The following INSL6 variants were observed in gnomAD, a reference collection of about 807,000 sequenced individuals.
INSL6 encodes the protein insulin like 6.
A neutral mutation model predicts 9.4 loss-of-function variants in INSL6; 16 were observed. That is an observed-to-expected ratio of 1.70 (90% CI 1.15 to 2.59). The LOEUF is 2.59. INSL6 is among the 30% of genes most tolerant of loss of function. The probability of loss-of-function intolerance (pLI) is 0.00; values close to 1 mark genes in which losing one functional copy is unlikely to be tolerated. For missense variants in INSL6, 391 were observed against 257.3 expected (o/e 1.52, Z -3.56); for synonymous variants, 154 against 96.9 (o/e 1.59, Z -3.46).
chr9:5,075,880 A>G, the INSL6 span, among the ~76,000 whole-genome samples: 1 of 152,232 alleles, frequency 6.6e-6, no homozygotes, highest in Non-Finnish European at 1.5e-5. Flanking sequence ...AGGATTCACC[A>G]TTCTAGATGC....
intron 2 of INSL6, among the ~76,000 whole-genome samples, chr9:5,150,706 A>T (rs971508022): frequency 1.3e-5 from 2 of 152,086 alleles, no homozygotes; most frequent in Non-Finnish European, 2.9e-5. Context: ...AATCCAGCAA[A>T]CTCACTACTG....
rs755970119 is a variant in INSL6, at chr9:5,164,052, T to C, written c.503A>G (p.Gln168Arg). The C allele has an allele frequency of 2.5e-6, 4 of 1,613,830 alleles. No homozygotes were observed. The East Asian group carries it at 6.7e-5, about 27-fold the overall frequency. The change falls in exon 2 of 2, where the codon CAA becomes CGA. Residue 168 changes from glutamine to arginine, a missense_variant. Transcript: ENST00000381641. ...LSNLFWGHHP[Q>R]RKRRGYSEKC... ...TTCTGAATATCCTCTGCGTTTTCTTTGGGGATGATGCCCCCAAAACAAATT... is the reference window on the plus strand; with the variant it reads ...TTCTGAATATCCTCTGCGTTTTCTTCGGGGATGATGCCCCCAAAACAAATT...
chr9:5,166,582 C>G (rs1030187092), intron 1 of INSL6, among the ~76,000 whole-genome samples: 2 of 151,862 alleles, frequency 1.3e-5, no homozygotes, highest in African/African-American at 4.8e-5. Context: ...GGATGAATTC[C>G]TAGAAAAATA....
chr9:5,159,088 T>A (rs1416977952), downstream of INSL6, among the ~76,000 whole-genome samples: 2 of 152,120 alleles, frequency 1.3e-5, no homozygotes, highest in African/African-American at 4.8e-5. Context: ...TAATGGATTA[T>A]AAGATATTAT....
chr9:5,155,337 AG>A (rs907393481), intron 2 of INSL6, among the ~76,000 whole-genome samples: 7 of 93,584 alleles, frequency 7.5e-5, no homozygotes, highest in Non-Finnish European at 1.5e-4. Context: ...GGGTTGGGGG[AG>A]GGGGGAGGGA....
the INSL6 span, among the ~76,000 whole-genome samples, chr9:5,103,788 G>A: frequency 6.6e-6 from 1 of 152,252 alleles, no homozygotes; most frequent in East Asian, 1.9e-4. Context: ...CAACTTCATG[G>A]AAATTGAACA....
At chr9:5,033,482 G>A in the INSL6 span, among the ~76,000 whole-genome samples, 1 of 152,174 alleles carries the variant, frequency 6.6e-6, no homozygotes. Flanking sequence ...GTTAAGGGCA[G>A]CCAGAGAGAA....
At chr9:5,137,897 A>G (rs527279111) in intron 2 of INSL6, among the ~76,000 whole-genome samples, 1 of 152,256 alleles carries the variant, frequency 6.6e-6, no homozygotes, top group East Asian at 1.9e-4. Context: ...TACAAGAAAA[A>G]AAACCCATAA....
At chr9:5,065,237 A>G in the INSL6 span, among the ~76,000 whole-genome samples, 1 of 152,232 alleles carries the variant, frequency 6.6e-6, no homozygotes, top group Non-Finnish European at 1.5e-5. Flanking sequence ...ATCCCAATCT[A>G]TAATATTTAT....
At position 5,185,294 on chromosome 9, in the gene INSL6, C is replaced by T. The variant is rs767849018; in HGVS notation, c.289+20G>A. ...AAATATACAGAGGTGAACAAACATG[C>T]CTTCGGTTTCGATTTTTACCTGGGT... is the stretch of plus-strand genomic sequence containing the variant. On this transcript the variant is annotated intron_variant, in intron 1 of 1. Transcript: ENST00000381641. The T allele has an allele frequency of 5.0e-6, 8 of 1,614,006 alleles. No individual in the cohort carries two copies. Among genetic ancestry groups the T allele is most frequent in the Non-Finnish European group, 6.8e-6 (8 of 1,179,986 alleles).
At chr9:5,054,064 G>A in the INSL6 span, among the ~76,000 whole-genome samples, 1 of 152,046 alleles carries the variant, frequency 6.6e-6, no homozygotes, top group Non-Finnish European at 1.5e-5. The surrounding 1 kb of genome is among the most constrained non-coding windows in gnomAD (Gnocchi z 4.9). Flanking sequence ...ATTATTAGGA[G>A]TTGAAGCTGG....
chr9:5,106,232 G>A, the INSL6 span, among the ~76,000 whole-genome samples: 3,916 of 152,240 alleles, frequency 0.026, 184 homozygotes, highest in African/African-American at 0.09. Flanking sequence ...CAAAAAGTGG[G>A]CAAAGGATAT....
chr9:5,156,294 C>T (rs575851279), intron 2 of INSL6, among the ~76,000 whole-genome samples: 2 of 152,304 alleles, frequency 1.3e-5, no homozygotes, highest in East Asian at 1.9e-4. Flanking sequence ...TAAACAGATT[C>T]TTTATGAAAA....
the INSL6 span, among the ~76,000 whole-genome samples, chr9:5,012,982 G>GA: frequency 2.6e-3 from 397 of 151,702 alleles, 5 homozygotes; most frequent in African/African-American, 9.0e-3. Context: ...GGTAGTTGTG[G>GA]AAAAAAAAGC....
Position 5,148,736 on chromosome 9 carries a change from C to G in INSL6, c.377-15144G>C, listed in dbSNP as rs560206531. ...AGACTGCAGCCCTGGGGCACCAGGA[C>G]CTGCTCGTGGCTCCCTTTTCCAGAC... On this transcript the variant is annotated intron_variant, in intron 2 of 3. Coordinates refer to the INSL6 transcript ENST00000649639. 5.3e-5 allele frequency among the ~76,000 whole-genome samples: 8 copies of G among 152,292 alleles called. 1 individual carries two copies. In the South Asian group the frequency reaches 1.5e-3, roughly 28 times the overall value.
At chr9:5,112,426 C>A in the INSL6 span, 2 of 501,638 alleles carry the variant, frequency 4.0e-6, no homozygotes, top group African/African-American at 2.0e-5. Context: ...ACGTCGGCGG[C>A]TGACCACTCA....
chr9:5,044,547 A>G, the INSL6 span: 7 of 1,273,516 alleles, frequency 5.5e-6, no homozygotes, highest in South Asian at 6.6e-5. Flanking sequence ...TTACTTGTAC[A>G]TGAGTTAAAT....
chr9:5,022,699 A>C, the INSL6 span, among the ~76,000 whole-genome samples: 1 of 151,980 alleles, frequency 6.6e-6, no homozygotes, highest in African/African-American at 2.4e-5. Context: ...AATCATTTTT[A>C]CTCTTGAGAC....
At chr9:5,032,335 A>G in the INSL6 span, among the ~76,000 whole-genome samples, 2 of 152,248 alleles carry the variant, frequency 1.3e-5, no homozygotes, top group African/African-American at 4.8e-5. Context: ...GGGCATAGCC[A>G]AACAAAAGGC....
Sources: gnomAD v4.1 joint callset for allele counts (sites outside exome capture counted in the v4.1 genomes callset) on GRCh38, gnomAD v4.1.1 for gene constraint, Gnocchi (gnomAD v3.1) non-coding constraint, MANE v1.5 for transcripts, NCBI Gene and HGNC (gene_info 2026-07-23, HGNC 2026-07-21) for gene names.